Variants in IL7 observed in about 807,000 individuals in gnomAD.
IL7 encodes the protein interleukin-7.
In IL7, 3 loss-of-function variants were observed where a neutral mutation model predicts 21.6. The ratio of observed to expected loss-of-function variants is 0.14; its 90% CI spans 0.06 to 0.36. The LOEUF (loss-of-function observed/expected upper bound fraction) is 0.36, where lower values mean the gene tolerates loss of function less well. Among genes scored for constraint, IL7 ranks in the 10% least tolerant of loss-of-function variants. The probability of loss-of-function intolerance (pLI) is 1.00; values close to 1 mark genes in which losing one functional copy is unlikely to be tolerated. For synonymous variants in IL7, 62 were observed against 68.1 expected, an observed-to-expected ratio of 0.91 and a Z score of 0.44; for missense variants, 175 against 200.2, an observed-to-expected ratio of 0.87 and a Z score of 0.76.
At chr8:78,765,633 A>G (rs1812732137) in intron 2 of IL7, among the ~76,000 whole-genome samples, 1 of 152,060 alleles carries the variant, frequency 6.6e-6, no homozygotes. Context: ...ACAATGAGAT[A>G]CCATGACACC....
chr8:78,693,959 A>T (rs1014828727), intron 3 of IL7, among the ~76,000 whole-genome samples: 2 of 152,202 alleles, frequency 1.3e-5, no homozygotes, highest in East Asian at 3.9e-4. Context: ...ATGGCTAGCC[A>T]GTTTTCCCAG....
At chr8:78,767,281 G>A (rs1812786286) in intron 2 of IL7, among the ~76,000 whole-genome samples, 1 of 152,020 alleles carries the variant, frequency 6.6e-6, no homozygotes, top group African/African-American at 2.4e-5. Flanking sequence ...AAGTGAGTGT[G>A]TGTGTGTGAG....
At chr8:78,702,739 G>C (rs1465443858) in intron 3 of IL7, among the ~76,000 whole-genome samples, 8 of 152,092 alleles carry the variant, frequency 5.3e-5, no homozygotes, top group African/African-American at 1.9e-4. Flanking sequence ...TCAGGAGAAG[G>C]TTATTCAATT....
In IL7 at chr8:78,779,076, T is replaced by C. The variant is rs1443184248; in HGVS notation, c.147+18996A>G. Among the ~76,000 whole-genome samples the C allele has an allele frequency of 2.6e-5, 4 of 152,218 alleles. No individual in the cohort carries two copies. The East Asian group carries it at 5.8e-4, about 22-fold the overall frequency. The stretch of plus-strand genomic sequence containing the variant: ...TGTTGGTGTATAGGAATGCTTGTGA[T>C]TTTTGCACATTGATTTTGTATTCTG... On this transcript the variant is annotated intron_variant, in intron 2 of 5. Transcript: ENST00000263851.
At chr8:78,690,614 A>G (rs1810179192) in intron 3 of IL7, among the ~76,000 whole-genome samples, 1 of 152,032 alleles carries the variant, frequency 6.6e-6, no homozygotes, top group African/African-American at 2.4e-5. Context: ...TATACATTTT[A>G]TAATTGACTT....
chr8:78,805,125 C>A lies in IL7; in HGVS notation c.-203G>T, dbSNP rs947043168. On this transcript the variant is annotated 5_prime_UTR_variant, in exon 1 of 6. Coordinates refer to ENST00000263851, the MANE Select transcript of IL7 (RefSeq NM_000880.4). Reference sequence around the variant, plus strand: ...CCAAGGGGGGCGGCACACACTACGGCGTGGCTCTGCGCTTTGCCTTTTCCA... The same window carrying A: ...CCAAGGGGGGCGGCACACACTACGGAGTGGCTCTGCGCTTTGCCTTTTCCA... The A allele has an allele frequency of 9.1e-6, 5 of 550,176 alleles. No homozygotes were observed. Among genetic ancestry groups the A allele is most frequent in the Non-Finnish European group, 9.9e-6 (3 of 302,920 alleles). 34.1% of individuals were successfully genotyped at this position (550,176 alleles called of 1,614,324 possible). A position where few individuals can be genotyped will look rare whatever the true frequency, so the allele number is the denominator to read the frequency against.
intron 2 of IL7, among the ~76,000 whole-genome samples, chr8:78,749,278 A>G (rs1236152101): frequency 1.3e-5 from 2 of 152,108 alleles, no homozygotes; most frequent in Non-Finnish European, 2.9e-5. Context: ...AATACTTAAT[A>G]CTATATAAAT....
At chr8:78,752,096 A>G (rs1414969578) in intron 2 of IL7, among the ~76,000 whole-genome samples, 1 of 152,218 alleles carries the variant, frequency 6.6e-6, no homozygotes, top group Non-Finnish European at 1.5e-5. Context: ...TGTGAGTGAC[A>G]GGATTTCATA....
At chr8:78,676,040 CT>C (rs1312374838) in exon 5 of IL7, 3 of 436,640 alleles carry the variant, frequency 6.9e-6, no homozygotes, top group African/African-American at 6.2e-5. Flanking sequence ...GCTTTCTTTC[CT>C]TCAGAGTTTG....
At chr8:78,697,344 C>T (rs1810455522) in intron 3 of IL7, 1 of 1,307,358 alleles carries the variant, frequency 7.6e-7, no homozygotes, top group Non-Finnish European at 1.1e-6. Flanking sequence ...AGTTTTGAAC[C>T]ACTACTTTAC....
intron 2 of IL7, among the ~76,000 whole-genome samples, chr8:78,796,355 A>G (rs1813853424): frequency 6.6e-6 from 1 of 152,040 alleles, no homozygotes; most frequent in African/African-American, 2.4e-5. Context: ...GTATAAGTCT[A>G]ATAAAATATT....
At chr8:78,698,663 T>C (rs781209540) in intron 3 of IL7, 4 of 473,084 alleles carry the variant, frequency 8.5e-6, no homozygotes, top group Non-Finnish European at 1.4e-5. Flanking sequence ...CACTCACTGC[T>C]GTTGAGTATC....
At chr8:78,713,444 C>T (rs1811008503), downstream of IL7, among the ~76,000 whole-genome samples, 1 of 151,310 alleles carries the variant, frequency 6.6e-6, no homozygotes, top group South Asian at 2.1e-4. Context: ...ATCTCATGCA[C>T]TTAAGACGAT....
chr8:78,775,094 G>A lies in IL7; in HGVS notation c.147+22978C>T, dbSNP rs181080975. Among the ~76,000 whole-genome samples, 18 of 152,160 alleles carry A rather than the reference G, an allele frequency of 1.2e-4. No homozygotes were observed. The East Asian group carries it at 2.9e-3, about 24-fold the overall frequency. On this transcript the variant is annotated intron_variant, in intron 2 of 5. Coordinates refer to ENST00000263851, the MANE Select transcript of IL7 (RefSeq NM_000880.4). ...GAGGTAATATATATTTTTTATTCAT[G>A]AGTTGCCTTTTCCAGCTTTACCAAC...
intron 5 of IL7, chr8:78,719,277 GGATA>G (rs1465631045): frequency 1.3e-5 from 2 of 151,634 alleles, no homozygotes; most frequent in African/African-American, 2.4e-5. Context: ...CTCAAGGAAA[GGATA>G]GATAAATAAT....
intron 3 of IL7, among the ~76,000 whole-genome samples, chr8:78,690,240 A>G (rs191208319): frequency 4.7e-4 from 72 of 152,230 alleles, no homozygotes; most frequent in African/African-American, 1.7e-3. Context: ...AGTAGTCTAA[A>G]TTTTCCTACT....
At chr8:78,718,387 T>A (rs1811170074) in intron 6 of IL7, 1 of 152,090 alleles carries the variant, frequency 6.6e-6, no homozygotes, top group East Asian at 1.9e-4. Context: ...ATATAATTTT[T>A]TGTATCTGAA....
chr8:78,767,003 C>G (rs72661363), intron 2 of IL7, among the ~76,000 whole-genome samples: 6,699 of 152,086 alleles, frequency 0.044, 211 homozygotes, highest in Middle Eastern at 0.082. Flanking sequence ...CTCATTATAG[C>G]TTACATTTGC....
At chr8:78,732,572 A>G (rs1811446895), downstream of IL7, among the ~76,000 whole-genome samples, 1 of 152,176 alleles carries the variant, frequency 6.6e-6, no homozygotes, top group Admixed American at 6.6e-5. Context: ...TTATCAGTGA[A>G]TGAAGACTGC....
Sources: allele counts gnomAD v4.1 joint callset (sites outside exome capture counted in the v4.1 genomes callset), GRCh38; gene constraint gnomAD v4.1.1; transcripts MANE v1.5; gene names NCBI Gene and HGNC (gene_info 2026-07-23, HGNC 2026-07-21).